HADHA: variants seen among roughly 807,000 people sequenced by gnomAD.
The protein encoded by HADHA is hydroxyacyl-CoA dehydrogenase trifunctional multienzyme complex subunit alpha.
Under a neutral mutation model 91.3 loss-of-function variants are expected in HADHA, and 59 were observed. The observed-to-expected ratio is 0.65, with a 90% CI of 0.52 to 0.80. The LOEUF is 0.80. HADHA is among the 30% of genes least tolerant of loss of function. The pLI is 0.00. For missense variants in HADHA, 800 were observed against 927.6 expected (o/e 0.86, Z 1.79); for synonymous variants, 320 against 338.9 (o/e 0.94, Z 0.61).
chr2:26,194,962 GAC>G, intron 15 of HADHA, 128 bp downstream of exon 15: 1 of 873,986 alleles, frequency 1.1e-6, no homozygotes, highest in Non-Finnish European at 1.9e-6. Context: ...CCATCCTGGA[GAC>G]AACCCAGGGG....
At position 26,215,142 on chromosome 2, in the gene HADHA, A is replaced by G. The variant is rs1670185978; in HGVS notation, c.710T>C (p.Ile237Thr). The change falls in exon 8 of 20, where the codon ATA becomes ACA. Residue 237 changes from isoleucine (I) to threonine (T), a missense_variant. Coordinates refer to ENST00000380649, the MANE Select transcript of HADHA (RefSeq NM_000182.5). ...AATTGCAACTTCTTCTAGGTATTCT[A>G]TTGTCCGTTCCTCTGGAGGTTTTAG... The part of the protein sequence containing the change: ...PGLKPPEERT[I>T]EYLEEVAITF... 1.9e-6 allele frequency: 3 copies of G among 1,610,064 alleles called. No individual in the cohort carries two copies. Among genetic ancestry groups the G allele is most frequent in the African/African-American group, 1.3e-5 (1 of 74,822 alleles).
In HADHA at chr2:26,195,224, G is replaced by A. The variant is rs138750492; in HGVS notation, c.1488C>T (p.Gly496=). Reference sequence around the variant, plus strand: ...TGTCCACGGGAGAGAAGTAGTGCATGCCAATCACCTGGCAAGGGGAACCAA... The same window carrying A: ...TGTCCACGGGAGAGAAGTAGTGCATACCAATCACCTGGCAAGGGGAACCAA... ...AVSKRPEKVI[G]MHYFSPVDKM... Residue 496 remains glycine, a synonymous_variant, in exon 15 of 20, where the codon GGC becomes GGT. Coordinates refer to ENST00000380649, the MANE Select transcript of HADHA (RefSeq NM_000182.5). The A allele has an allele frequency of 1.9e-6, 3 of 1,612,876 alleles. No homozygotes were observed. The highest frequency in any genetic ancestry group is 2.5e-6 in the Non-Finnish European group (3 of 1,178,952).
intron 13 of HADHA, 66 bp from the exon 14 acceptor site, chr2:26,197,843 A>AGC: frequency 3.7e-6 from 3 of 821,672 alleles, no homozygotes; most frequent in Non-Finnish European, 6.6e-6. Flanking sequence ...GCCACATCAA[A>AGC]GCTAATGAGT....
Position 26,204,122 on chromosome 2 carries a change from G to A in HADHA, c.1160C>T (p.Thr387Ile). ...AQVSVDKGLK[T>I]ILKDATLTAL... ...AGTGAGGGTGGCATCTTTAAGTATAGTCTTTAGCCCCTTATCCACGGAGAC... is the reference window on the plus strand; with the variant it reads ...AGTGAGGGTGGCATCTTTAAGTATAATCTTTAGCCCCTTATCCACGGAGAC... Residue 387 changes from threonine (T) to isoleucine (I), a missense_variant, in exon 12 of 20, where the codon ACT becomes ATT. Coordinates refer to ENST00000380649, the MANE Select transcript of HADHA (RefSeq NM_000182.5). 6.2e-7 allele frequency: 1 copy of A among 1,613,784 alleles called. No homozygotes were observed. The highest frequency in any genetic ancestry group is 8.5e-7 in the Non-Finnish European group (1 of 1,179,614).
At chr2:26,198,369 G>GT (rs57357827) in intron 13 of HADHA, among the ~76,000 whole-genome samples, 115,823 of 146,912 alleles carry the variant, frequency 0.79, 45,485 homozygotes, top group East Asian at 0.84. Flanking sequence ...ACTTATTCAT[G>GT]TTTTTTTTTT....
intron 7 of HADHA, among the ~76,000 whole-genome samples, chr2:26,218,604 G>T (rs949213389): frequency 1.3e-5 from 2 of 152,084 alleles, no homozygotes; most frequent in East Asian, 3.8e-4. Flanking sequence ...ATATATACAA[G>T]AATTTATAAT....
chr2:26,231,935 C>G (rs1670633323), intron 6 of HADHA, among the ~76,000 whole-genome samples: 1 of 144,544 alleles, frequency 6.9e-6, no homozygotes, highest in African/African-American at 2.6e-5. Context: ...CACCACTGCA[C>G]TCTAGCCTGG....
At chr2:26,195,377 T>C (rs1324312983) in intron 14 of HADHA, 145 bp from the exon 15 acceptor site, 3 of 774,026 alleles carry the variant, frequency 3.9e-6, no homozygotes, top group Non-Finnish European at 6.9e-6. Flanking sequence ...TTTGGTTCCA[T>C]GGGTCTTTGA....
Position 26,232,187 on chromosome 2 carries a change from T to A in HADHA, c.546A>T (p.Ala182=), listed in dbSNP as rs777980334. The part of the protein sequence containing the change: ...PEVLLGALPG[A]GGTQRLPKMV... ...TTTTGGGCAGCCTTTGTGTGCCTCC[T>A]GCTCCTGGTAAGGCCCCCAGCAAAA... is the stretch of plus-strand genomic sequence containing the variant. Residue 182 remains alanine (A), a synonymous_variant, in exon 6 of 20, where the codon GCA becomes GCT. Transcript: ENST00000380649. The A allele has an allele frequency of 1.9e-6, 3 of 1,611,124 alleles. No homozygotes were observed. The African/African-American group carries it at 4.0e-5, about 22-fold the overall frequency.
rs569448664 is a variant in HADHA at position 26,229,232 on chromosome 2, G to C, written c.676+960C>G. Among the ~76,000 whole-genome samples the C allele has an allele frequency of 2.0e-5, 3 of 152,006 alleles. No individual in the cohort carries two copies. Among genetic ancestry groups the C allele is most frequent in the East Asian group, 3.9e-4 (2 of 5,152 alleles). ...GTATGCCTGTGGTCTCAGCTACTCG[G>C]GGGGCACAAGTGGGAAGATCATTTG... is the stretch of plus-strand genomic sequence containing the variant. On this transcript the variant is annotated intron_variant, in intron 7 of 19. Coordinates refer to ENST00000380649, the MANE Select transcript of HADHA (RefSeq NM_000182.5). This position sits in a 1 kb window ranked among gnomAD's most constrained non-coding sequence, Gnocchi z 4.3.
At chr2:26,203,974 CA>C in intron 12 of HADHA, 87 bp downstream of exon 12, 4 of 1,339,840 alleles carry the variant, frequency 3.0e-6, no homozygotes, top group Non-Finnish European at 4.3e-6. Flanking sequence ...AACAAACAAA[CA>C]AAAAAACCCA....
chr2:26,193,019 T>C (rs1412599176), intron 17 of HADHA, among the ~76,000 whole-genome samples: 2 of 152,130 alleles, frequency 1.3e-5, no homozygotes, highest in Non-Finnish European at 2.9e-5. Context: ...CTGATTTTGC[T>C]GTTTTGCCAA....
At chr2:26,209,158 T>C (rs1291837204) in intron 11 of HADHA, among the ~76,000 whole-genome samples, 3 of 152,170 alleles carry the variant, frequency 2.0e-5, no homozygotes, top group Non-Finnish European at 4.4e-5. Flanking sequence ...CCCTCCCTAG[T>C]TGTGACAACC....
At chr2:26,212,727 A>C in intron 9 of HADHA, 101 bp from the exon 10 acceptor site, 1 of 813,894 alleles carries the variant, frequency 1.2e-6, no homozygotes, top group South Asian at 1.4e-5. Flanking sequence ...TCAAAGAGTA[A>C]GTCAAAAGTC....
At chr2:26,218,370 T>TA (rs1196271236) in intron 7 of HADHA, among the ~76,000 whole-genome samples, 1 of 149,682 alleles carries the variant, frequency 6.7e-6, no homozygotes, top group Non-Finnish European at 1.5e-5. Context: ...AAGTGGGAAA[T>TA]AGACTTTGTC....
At chr2:26,235,303 C>G (rs567597982) in intron 4 of HADHA, 1 of 152,080 alleles carries the variant, frequency 6.6e-6, no homozygotes, top group Non-Finnish European at 1.5e-5. Context: ...AGGGAGACTC[C>G]GTCTCAAAAA....
Position 26,191,073 on chromosome 2 carries a change from C to T in HADHA, c.*177G>A. 1.5e-6 allele frequency: 1 copy of T among 677,760 alleles called. No individual in the cohort carries two copies. The highest frequency in any genetic ancestry group is 2.6e-6 in the Non-Finnish European group (1 of 378,502). 42.0% of individuals were successfully genotyped at this position (677,760 alleles called of 1,614,324 possible). A position where few individuals can be genotyped will look rare whatever the true frequency, so the allele number is the denominator to read the frequency against. On this transcript the variant is annotated 3_prime_UTR_variant, in exon 20 of 20. Coordinates refer to ENST00000380649, the MANE Select transcript of HADHA (RefSeq NM_000182.5). ...CAGGAAGTGCAAACTAATTCGAAGT[C>T]ACACTTCACCAGGAGGGAGAGATGG... is the stretch of plus-strand genomic sequence containing the variant.
chr2:26,230,474 T>C lies in HADHA; in HGVS notation c.574-180A>G, dbSNP rs973466419. ...ATACTGATATACACTTGGGTAACTT[T>C]GGGGATTAGATACCTCTAGCTGAAG... On this transcript the variant is annotated intron_variant, in intron 6 of 19. Coordinates refer to ENST00000380649, the MANE Select transcript of HADHA (RefSeq NM_000182.5). Among the ~76,000 whole-genome samples, 7 of 152,330 alleles carry C rather than the reference T, an allele frequency of 4.6e-5. No homozygotes were observed. In the East Asian group the frequency reaches 1.3e-3, roughly 29 times the overall value.
chr2:26,201,716 T>C (rs1287998443), intron 12 of HADHA, among the ~76,000 whole-genome samples: 1 of 152,206 alleles, frequency 6.6e-6, no homozygotes. Flanking sequence ...GCAGCCAAAG[T>C]GTGTCTGAGA....
Sources: gnomAD v4.1 joint callset for allele counts (sites outside exome capture counted in the v4.1 genomes callset) on GRCh38, gnomAD v4.1.1 for gene constraint, Gnocchi (gnomAD v3.1) non-coding constraint, MANE v1.5 for transcripts, NCBI Gene and HGNC (gene_info 2026-07-23, HGNC 2026-07-21) for gene names.